CHKB: variants seen among roughly 807,000 people sequenced by gnomAD.
CHKB encodes choline kinase beta, also known as choline/ethanolamine kinase.
Under a neutral mutation model 57.3 loss-of-function variants are expected in CHKB, and 45 were observed. That is an observed-to-expected ratio of 0.79 (90% CI 0.62 to 1.01). CHKB has a LOEUF of 1.01. Ranked by LOEUF, CHKB falls within the 50% of genes least tolerant of loss-of-function variation. The pLI is 0.00. For missense variants in CHKB, 517 were observed against 502.8 expected (o/e 1.03, Z -0.27); for synonymous variants, 224 against 201.8 (o/e 1.11, Z -0.93).
intron 4 of CHKB, 30 bp from the exon 5 acceptor site, chr22:50,580,690 T>C: frequency 1.2e-6 from 2 of 1,605,674 alleles, no homozygotes; most frequent in Non-Finnish European, 1.7e-6. Context: ...ATACACTGGC[T>C]CTGCTATTCT....
Position 50,581,794 on chromosome 22 carries a change from C to A in CHKB, c.402G>T (p.Gln134His). 1 of 1,611,036 alleles carries A rather than the reference C, an allele frequency of 6.2e-7. No individual in the cohort carries two copies. The highest frequency in any genetic ancestry group is 8.5e-7 in the Non-Finnish European group (1 of 1,178,786). The change falls in exon 3 of 11, where the codon CAG (glutamine) becomes CAT (histidine). Residue 134 changes from glutamine (Q) to histidine (H), a missense_variant. Physicochemically the swap from Gln to His is conservative, Grantham distance 24 (BLOSUM62 0). Coordinates refer to ENST00000406938, the MANE Select transcript of CHKB (RefSeq NM_005198.5). ...GGCCCTCTGGGAAGACTCCGTACAG[C>A]TGGGGCCCCAGCGACCGCTCCGCAA... ...AILAERSLGP[Q>H]LYGVFPEGRL...
At position 50,582,704 on chromosome 22, in the gene CHKB, A is replaced by G. The variant is rs1343516396; in HGVS notation, c.78T>C (p.Ser26=). 1 of 1,609,330 alleles carries G rather than the reference A, an allele frequency of 6.2e-7. No homozygotes were observed. The highest frequency in any genetic ancestry group is 8.5e-7 in the Non-Finnish European group (1 of 1,178,810). The change falls in exon 1 of 11, where the codon TCT becomes TCC. Residue 26 remains serine, a synonymous_variant. Coordinates refer to ENST00000406938, the MANE Select transcript of CHKB (RefSeq NM_005198.5). The part of the protein sequence containing the change: ...GCLAKDGLQQ[S]KCPDTTPKRR... ...GTTTTGGGGTAGTGTCCGGGCACTT[A>G]GACTGCTGCAAGCCGTCTTTGGCCA...
rs1413085946 is a variant in CHKB, at chr22:50,579,738, T to C, written c.1020A>G (p.Val340=). 1.2e-6 allele frequency: 2 copies of C among 1,613,682 alleles called. No homozygotes were observed. The highest frequency in any genetic ancestry group is 1.7e-6 in the Non-Finnish European group (2 of 1,179,740). Residue 340 remains valine, a synonymous_variant, in exon 9 of 11, where the codon GTA becomes GTG. Coordinates refer to ENST00000406938, the MANE Select transcript of CHKB (RefSeq NM_005198.5). The stretch of plus-strand genomic sequence containing the variant: ...CCCTCCTTCCTCACCGACTGACTTC[T>C]ACCAGCAAATCTTCTTCCAGTTTTC... The part of the protein sequence containing the change: ...EQRKLEEDLL[V]EVSRYALASH...
At chr22:50,582,446 GC>G in intron 1 of CHKB, 89 bp from the exon 2 acceptor site, 1 of 1,448,638 alleles carries the variant, frequency 6.9e-7, no homozygotes, top group Non-Finnish European at 9.2e-7. Flanking sequence ...GCCCCGCCCC[GC>G]CCCAGGCGCG....
Position 50,582,286 on chromosome 22 carries a change from C to CG in CHKB, c.295dup (p.Arg99ProfsTer111). The CG allele has an allele frequency of 6.3e-7, 1 of 1,594,490 alleles. No individual in the cohort carries two copies. Among genetic ancestry groups the CG allele is most frequent in the Non-Finnish European group, 8.5e-7 (1 of 1,172,854 alleles). On this transcript the variant is annotated frameshift_variant, in exon 2 of 11. Transcript: ENST00000406938. LOFTEE classifies it high-confidence loss of function. ...TCCGTACAGCCGCAGAAGCACCTCC[C>CG]GGGGCTCCTCGCCAACGCTGGGCAG...
chr22:50,579,382 T>TCCCCAGCC, intron 10 of CHKB, 44 bp downstream of exon 10: 2 of 1,594,706 alleles, frequency 1.3e-6, no homozygotes, highest in Non-Finnish European at 1.7e-6. Context: ...CTGCTGCTGC[T>TCCCCAGCC]CCCCAGCCCC....
intron 1 of CHKB, 83 bp from the exon 2 acceptor site, chr22:50,582,440 C>T (rs548235784): frequency 2.8e-6 from 4 of 1,453,670 alleles, no homozygotes; most frequent in Non-Finnish European, 3.7e-6. Flanking sequence ...AGGCCGGCCC[C>T]GCCCCGCCCC....
rs1257966850 is a variant in CHKB at position 50,582,263 on chromosome 22, C to T, written c.319G>A (p.Gly107Arg). Residue 107 changes from glycine to arginine, a missense_variant, in exon 2 of 11, where the codon GGA (glycine) becomes AGA (arginine). Transcript: ENST00000406938. Reference protein sequence around the residue: ...EPREVLLRLYGAILQGVDSLV... With the variant: ...EPREVLLRLYRAILQGVDSLV... ...ACCCCCCTCACCTGCAAGATGGCTC[C>T]GTACAGCCGCAGAAGCACCTCCCGG... 1.3e-6 allele frequency: 2 copies of T among 1,592,030 alleles called. No homozygotes were observed. The highest frequency in any genetic ancestry group is 1.7e-6 in the Non-Finnish European group (2 of 1,171,534).
rs752131662 is a variant in CHKB, at chr22:50,580,042, C to A, written c.859G>T (p.Asp287Tyr). ...IGNHFCEWVY[D>Y]YTHEEWPFYK... ...AAAGGCCATTCCTCGTGAGTATAAT[C>A]ATAAACCCACTCACAAAAATGGTTC... The change falls in exon 8 of 11, where the codon GAT becomes TAT. Residue 287 changes from aspartate to tyrosine, a missense_variant. Physicochemically the swap from Asp to Tyr is radical, Grantham distance 160. Coordinates refer to ENST00000406938, the MANE Select transcript of CHKB (RefSeq NM_005198.5). 3.7e-6 allele frequency: 6 copies of A among 1,613,874 alleles called. No individual in the cohort carries two copies. In the African/African-American group the frequency reaches 8.0e-5, roughly 22 times the overall value.
rs140020889 is a variant in CHKB at position 50,580,031 on chromosome 22, G to T, written c.870C>A (p.His290Gln). Reference sequence around the variant, plus strand: ...TTGCTTTGTAGAAAGGCCATTCCTCGTGAGTATAATCATAAACCCACTCAC... The same window carrying T: ...TTGCTTTGTAGAAAGGCCATTCCTCTTGAGTATAATCATAAACCCACTCAC... ...HFCEWVYDYT[H>Q]EEWPFYKARP... Residue 290 changes from histidine to glutamine, a missense_variant, in exon 8 of 11, where the codon CAC becomes CAA. By Grantham distance (24) the His-to-Gln change is conservative. Transcript: ENST00000406938. The T allele has an allele frequency of 3.1e-6, 5 of 1,613,866 alleles. No homozygotes were observed. In the African/African-American group the frequency reaches 4.0e-5, roughly 13 times the overall value.
intron 1 of CHKB, 32 bp downstream of exon 1, chr22:50,582,526 C>T (rs1454351403): frequency 1.3e-6 from 2 of 1,585,838 alleles, no homozygotes; most frequent in African/African-American, 1.4e-5. Context: ...CCCCGATCCG[C>T]GCACCGGAGA....
chr22:50,579,108 C>T lies in CHKB; in HGVS notation c.*73G>A. ...GGCTCAGCCCAGTCGCCAGGGCCTT[C>T]TGCTCGTTGTTCCTCCCTCCAAGGT... On this transcript the variant is annotated 3_prime_UTR_variant, in exon 11 of 11. Coordinates refer to ENST00000406938, the MANE Select transcript of CHKB (RefSeq NM_005198.5). The T allele has an allele frequency of 6.9e-7, 1 of 1,445,590 alleles. No individual in the cohort carries two copies. Among genetic ancestry groups the T allele is most frequent in the East Asian group, 2.4e-5 (1 of 41,528 alleles). The allele number at this position is 1,445,590 out of a possible 1,614,324, so 89.5% of individuals were successfully genotyped here. A position where few individuals can be genotyped will look rare whatever the true frequency, so the allele number is the denominator to read the frequency against.
intron 1 of CHKB, 95 bp from the exon 2 acceptor site, chr22:50,582,452 G>C: frequency 6.8e-7 from 1 of 1,466,248 alleles, no homozygotes; most frequent in Non-Finnish European, 9.1e-7. Context: ...CCCCGCCCCA[G>C]GCGCGGGCGC....
In CHKB at chr22:50,582,290, G is replaced by T. The variant is rs1307581608; in HGVS notation, c.292C>A (p.Pro98Thr). ...PDHLPSVGEE[P>T]REVLLRLYGA... ...TACAGCCGCAGAAGCACCTCCCGGG[G>T]CTCCTCGCCAACGCTGGGCAGGTGG... The change falls in exon 2 of 11, where the codon CCC becomes ACC. Residue 98 changes from proline (P) to threonine (T), a missense_variant. Coordinates refer to ENST00000406938, the MANE Select transcript of CHKB (RefSeq NM_005198.5). The T allele has an allele frequency of 1.9e-6, 3 of 1,594,120 alleles. No homozygotes were observed. The highest frequency in any genetic ancestry group is 1.3e-5 in the African/African-American group (1 of 74,630).
Position 50,579,138 on chromosome 22 carries a change from C to T in CHKB, c.*43G>A, listed in dbSNP as rs1270448747. Reference sequence around the variant, plus strand: ...CGTTGTTCCTCCCTCCAAGGTCCTGCCCTGGAGGCTCCAGGAGAAATCCAA... The same window carrying T: ...CGTTGTTCCTCCCTCCAAGGTCCTGTCCTGGAGGCTCCAGGAGAAATCCAA... On this transcript the variant is annotated 3_prime_UTR_variant, in exon 11 of 11. Transcript: ENST00000406938. 6.3e-7 allele frequency: 1 copy of T among 1,575,362 alleles called. No individual in the cohort carries two copies. Among genetic ancestry groups the T allele is most frequent in the Non-Finnish European group, 8.7e-7 (1 of 1,149,180 alleles).
At chr22:50,580,965 G>A (rs940511355) in intron 4 of CHKB, among the ~76,000 whole-genome samples, 4 of 152,108 alleles carry the variant, frequency 2.6e-5, no homozygotes, top group African/African-American at 9.7e-5. Context: ...TATTTTAATA[G>A]AGACAGGGTT....
chr22:50,581,537 G>C lies in CHKB; in HGVS notation c.464C>G (p.Thr155Ser), dbSNP rs950085207. The C allele has an allele frequency of 1.2e-6, 2 of 1,613,968 alleles. No individual in the cohort carries two copies. Among genetic ancestry groups the C allele is most frequent in the African/African-American group, 1.3e-5 (1 of 75,056 alleles). Reference sequence around the variant, plus strand: ...CAACACTGGCTCTCGAAGCTCTTGAGTTTTCAATGGCCGACTCTGCACCCA... The same window carrying C: ...CAACACTGGCTCTCGAAGCTCTTGACTTTTCAATGGCCGACTCTGCACCCA... The part of the protein sequence containing the change: ...EQYIPSRPLK[T>S]QELREPVLSA... The change falls in exon 4 of 11, where the codon ACT becomes AGT. Residue 155 changes from threonine to serine, a missense_variant. Transcript: ENST00000406938.
chr22:50,581,929 T>G (rs1308986637), intron 2 of CHKB, 67 bp from the exon 3 acceptor site: 1 of 1,368,968 alleles, frequency 7.3e-7, no homozygotes, highest in African/African-American at 1.4e-5. Context: ...AGGGCTCGCC[T>G]TCCTCCCACC....
At chr22:50,580,458 A>G in intron 5 of CHKB, 42 bp from the exon 6 acceptor site, 1 of 1,612,568 alleles carries the variant, frequency 6.2e-7, no homozygotes, top group Non-Finnish European at 8.5e-7. Context: ...AGGAGTGACT[A>G]GAGGAGGATC....
Sources: gnomAD v4.1 joint callset for allele counts (sites outside exome capture counted in the v4.1 genomes callset) on GRCh38, gnomAD v4.1.1 for gene constraint, MANE v1.5 for transcripts, NCBI Gene and HGNC (gene_info 2026-07-23, HGNC 2026-07-21) for gene names.